CDH13: variants seen among roughly 807,000 people sequenced by gnomAD.
The protein encoded by CDH13 is cadherin-13.
In CDH13, 24 loss-of-function variants were observed where a neutral mutation model predicts 63.8. The observed-to-expected ratio is 0.38, with a 90% CI of 0.27 to 0.53. The LOEUF (loss-of-function observed/expected upper bound fraction) is 0.53, where lower values mean the gene tolerates loss of function less well. CDH13 is among the 20% of genes least tolerant of loss of function. The pLI, the probability that CDH13 is intolerant of heterozygous loss-of-function variation, is 0.85. For missense variants in CDH13, 1,049 were observed against 903.1 expected (o/e 1.16, Z -2.07); for synonymous variants, 503 against 355.3 (o/e 1.42, Z -4.67).
chr16:83,511,684 TAAG>T (rs1388136159), intron 7 of CDH13, among the ~76,000 whole-genome samples: 1 of 152,128 alleles, frequency 6.6e-6, no homozygotes, highest in Non-Finnish European at 1.5e-5. Flanking sequence ...TGTAAGATAG[TAAG>T]AAGAAGAAAA....
chr16:82,874,769 G>T (rs1455348847), intron 2 of CDH13, among the ~76,000 whole-genome samples: 1 of 152,186 alleles, frequency 6.6e-6, no homozygotes, highest in African/African-American at 2.4e-5. Context: ...ATGGAAGGAA[G>T]TCTGTTGAAT....
intron 2 of CDH13, among the ~76,000 whole-genome samples, chr16:82,909,593 G>C (rs2041763834): frequency 6.6e-6 from 1 of 151,914 alleles, no homozygotes; most frequent in South Asian, 2.1e-4. Context: ...GGCAAATGAG[G>C]AGCAACGTCA....
At chr16:83,099,812 G>A (rs920878491) in intron 3 of CDH13, among the ~76,000 whole-genome samples, 5 of 152,094 alleles carry the variant, frequency 3.3e-5, no homozygotes, top group African/African-American at 1.2e-4. Flanking sequence ...TAATTCATTT[G>A]AAAAGTGCTC....
At position 82,736,114 on chromosome 16, in the gene CDH13, C is replaced by T. The variant is rs113896910; in HGVS notation, c.45+108977C>T. On this transcript the variant is annotated intron_variant, in intron 1 of 13. Coordinates refer to ENST00000567109, the MANE Select transcript of CDH13 (RefSeq NM_001257.5). ...AGTTTCCAAACTAGTCAGTAAGCTG[C>T]GCTGAGGTTTTGCTTTCTATGTTTC... Among the ~76,000 whole-genome samples, 58 of 152,266 alleles carry T rather than the reference C, an allele frequency of 3.8e-4. No individual in the cohort carries two copies. The East Asian group carries it at 6.4e-3, about 17-fold the overall frequency.
chr16:82,634,872 A>G (rs77065143), intron 1 of CDH13, among the ~76,000 whole-genome samples: 4,149 of 152,328 alleles, frequency 0.027, 83 homozygotes, highest in Non-Finnish European at 0.041. Context: ...AATGGTTCCA[A>G]TAAATATCTA....
chr16:83,353,264 A>G (rs1476209993), intron 6 of CDH13, among the ~76,000 whole-genome samples: 1 of 152,244 alleles, frequency 6.6e-6, no homozygotes, highest in Non-Finnish European at 1.5e-5. Flanking sequence ...GCTCCTAACT[A>G]TGTCTGAAGG....
chr16:83,158,877 G>C (rs748343267), intron 4 of CDH13, among the ~76,000 whole-genome samples: 5 of 152,214 alleles, frequency 3.3e-5, no homozygotes, highest in African/African-American at 4.8e-5. Flanking sequence ...CTCTCTTTGG[G>C]CTTCTTCGCA....
At chr16:82,810,482 C>G (rs534993448) in intron 1 of CDH13, among the ~76,000 whole-genome samples, 1 of 152,110 alleles carries the variant, frequency 6.6e-6, no homozygotes, top group Non-Finnish European at 1.5e-5. Context: ...GTGGAGGGAT[C>G]CATTAGTAAG....
At chr16:82,752,046 G>C (rs2034438419) in intron 1 of CDH13, among the ~76,000 whole-genome samples, 2 of 152,140 alleles carry the variant, frequency 1.3e-5, no homozygotes, top group African/African-American at 4.8e-5. Flanking sequence ...GACAAATTTG[G>C]GGGAAACAAG....
intron 4 of CDH13, among the ~76,000 whole-genome samples, chr16:83,156,294 T>C (rs1267724181): frequency 6.6e-6 from 1 of 152,212 alleles, no homozygotes; most frequent in Non-Finnish European, 1.5e-5. Flanking sequence ...TTTAAAAGCA[T>C]GCGTATTAAT....
At chr16:83,477,273 A>G (rs1390507076) in intron 6 of CDH13, among the ~76,000 whole-genome samples, 1 of 152,222 alleles carries the variant, frequency 6.6e-6, no homozygotes, top group Non-Finnish European at 1.5e-5. Flanking sequence ...CTTATTACAT[A>G]TTTGGCTGTC....
Position 83,779,836 on chromosome 16 carries a change from C to A in CDH13, c.1682-132C>A, listed in dbSNP as rs556042954. The stretch of plus-strand genomic sequence containing the variant: ...TCGCACCACTGCATTCCAGTCTGGG[C>A]GATAGAGTGAGACCCTGTCTCAAAA... On this transcript the variant is annotated intron_variant, in intron 11 of 13. Coordinates refer to ENST00000567109, the MANE Select transcript of CDH13 (RefSeq NM_001257.5). The A allele has an allele frequency of 9.5e-6, 6 of 632,552 alleles. No homozygotes were observed. In the African/African-American group the frequency reaches 1.1e-4, roughly 12 times the overall value. The allele number at this position is 632,552 out of a possible 1,614,324, so 39.2% of individuals were successfully genotyped here.
At position 83,462,470 on chromosome 16, in the gene CDH13, G is replaced by A. The variant is rs895978865; in HGVS notation, c.782-24007G>A. 1.2e-4 allele frequency among the ~76,000 whole-genome samples: 18 copies of A among 152,366 alleles called. 1 individual carries two copies. The South Asian group carries it at 3.3e-3, about 28-fold the overall frequency. ...TGGTGAGATCAAGAAAGAAATTAGA[G>A]GCAAGGTGCAGTGGCTTACGCCTGT... On this transcript the variant is annotated intron_variant, in intron 6 of 13. Transcript: ENST00000567109.
At chr16:82,841,070 A>G (rs559994108) in intron 1 of CDH13, among the ~76,000 whole-genome samples, 1 of 152,372 alleles carries the variant, frequency 6.6e-6, no homozygotes, top group African/African-American at 2.4e-5. Context: ...CTGGGGACAC[A>G]TGGGATGCAT....
chr16:83,703,742 A>G (rs1906593098), intron 10 of CDH13, among the ~76,000 whole-genome samples: 1 of 152,218 alleles, frequency 6.6e-6, no homozygotes. Context: ...AAGGAGACTA[A>G]GAAAACCATC....
intron 8 of CDH13, among the ~76,000 whole-genome samples, chr16:83,630,830 A>G (rs1910715244): frequency 6.6e-6 from 1 of 152,190 alleles, no homozygotes; most frequent in Non-Finnish European, 1.5e-5. Flanking sequence ...TATTTTCTAT[A>G]TTTGTAGCTA....
intron 2 of CDH13, among the ~76,000 whole-genome samples, chr16:82,949,234 C>G (rs1323689558): frequency 6.6e-6 from 1 of 152,190 alleles, no homozygotes; most frequent in African/African-American, 2.4e-5. Context: ...AGGATTCGGC[C>G]TCACCTTTTT....
At chr16:83,158,492 C>T (rs1216773019) in intron 4 of CDH13, among the ~76,000 whole-genome samples, 1 of 152,234 alleles carries the variant, frequency 6.6e-6, no homozygotes, top group Non-Finnish European at 1.5e-5. Context: ...GGCTGGCTGT[C>T]CCTGTCCAGC....
intron 5 of CDH13, among the ~76,000 whole-genome samples, chr16:83,245,838 G>A (rs189084411): frequency 1.3e-5 from 2 of 152,172 alleles, no homozygotes; most frequent in South Asian, 4.1e-4. Flanking sequence ...GACCTCCCTG[G>A]CTCAAATGAT....
Sources: allele counts gnomAD v4.1 joint callset (sites outside exome capture counted in the v4.1 genomes callset), GRCh38; gene constraint gnomAD v4.1.1; transcripts MANE v1.5; gene names NCBI Gene and HGNC (gene_info 2026-07-23, HGNC 2026-07-21).